LGSN: variants seen among roughly 807,000 people sequenced by gnomAD.
LGSN encodes lengsin, lens protein with glutamine synthetase domain.
Under a neutral mutation model 19.5 loss-of-function variants are expected in LGSN, and 21 were observed. The observed-to-expected ratio is 1.07, with a 90% CI of 0.76 to 1.55. LGSN has a LOEUF of 1.55. Among genes scored for constraint, LGSN ranks in the 40% most tolerant of loss-of-function variants. The pLI, the probability that LGSN is intolerant of heterozygous loss-of-function variation, is 0.00. For synonymous variants in LGSN, 257 were observed against 215.6 expected (o/e 1.19, Z -1.68); for missense variants, 673 against 608.5 (o/e 1.11, Z -1.12).
the LGSN span, among the ~76,000 whole-genome samples, chr6:63,446,860 C>T: frequency 2.0e-5 from 3 of 152,082 alleles, no homozygotes; most frequent in Non-Finnish European, 4.4e-5. Flanking sequence ...GACCAGCCTG[C>T]CCAACTTGGA....
At chr6:63,438,523 C>T in the LGSN span, among the ~76,000 whole-genome samples, 1 of 152,042 alleles carries the variant, frequency 6.6e-6, no homozygotes, top group Non-Finnish European at 1.5e-5. Context: ...AAACAAACAA[C>T]CCCATCAAAA....
chr6:63,568,669 A>C, the LGSN span, among the ~76,000 whole-genome samples: 6 of 150,680 alleles, frequency 4.0e-5, no homozygotes, highest in Admixed American at 3.3e-4. Context: ...AAAAAAAAAA[A>C]ACAATATTTG....
At chr6:63,566,990 C>T in the LGSN span, among the ~76,000 whole-genome samples, 1 of 152,222 alleles carries the variant, frequency 6.6e-6, no homozygotes, top group African/African-American at 2.4e-5. Flanking sequence ...GAAGCAACTC[C>T]TCATTCATTC....
the LGSN span, among the ~76,000 whole-genome samples, chr6:63,456,444 T>C: frequency 6.9e-6 from 1 of 144,156 alleles, no homozygotes; most frequent in African/African-American, 2.6e-5. Context: ...TTGCCCAGAC[T>C]GGTCTCAAAC....
the LGSN span, among the ~76,000 whole-genome samples, chr6:63,399,233 T>C: frequency 6.6e-6 from 1 of 152,168 alleles, no homozygotes; most frequent in Non-Finnish European, 1.5e-5. Context: ...TACAGGTTTG[T>C]AGCCTCGGAG....
the LGSN span, among the ~76,000 whole-genome samples, chr6:63,362,955 G>A: frequency 5.3e-5 from 8 of 152,172 alleles, no homozygotes; most frequent in Admixed American, 2.6e-4. Flanking sequence ...AGTAGGGGCC[G>A]ACTGACACCT....
the LGSN span, among the ~76,000 whole-genome samples, chr6:63,415,145 C>T: frequency 1.3e-5 from 2 of 151,574 alleles, no homozygotes; most frequent in Non-Finnish European, 2.9e-5. Context: ...CATGGAGAAA[C>T]CCTGAAACCC....
chr6:63,414,652 C>T, the LGSN span, among the ~76,000 whole-genome samples: 3 of 152,242 alleles, frequency 2.0e-5, no homozygotes, highest in African/African-American at 4.8e-5. Flanking sequence ...GTGCTGGGCG[C>T]GATGGCGCGT....
At chr6:63,423,341 C>T in the LGSN span, among the ~76,000 whole-genome samples, 2 of 151,994 alleles carry the variant, frequency 1.3e-5, no homozygotes, top group Non-Finnish European at 2.9e-5. Flanking sequence ...GAGACCATGT[C>T]TCAAAAAAAT....
the LGSN span, among the ~76,000 whole-genome samples, chr6:63,393,469 G>A: frequency 3.3e-5 from 5 of 151,902 alleles, no homozygotes; most frequent in African/African-American, 7.2e-5. Context: ...GTGAGCCACC[G>A]CGCCTGGCCC....
At chr6:63,407,930 C>T in the LGSN span, among the ~76,000 whole-genome samples, 22 of 152,176 alleles carry the variant, frequency 1.4e-4, no homozygotes, top group Non-Finnish European at 2.1e-4. Context: ...CCATTCACAA[C>T]TGCTTCAAAG....
the LGSN span, among the ~76,000 whole-genome samples, chr6:63,401,525 G>A: frequency 1.3e-5 from 2 of 152,096 alleles, no homozygotes; most frequent in Non-Finnish European, 2.9e-5. Flanking sequence ...AGAGTGACAA[G>A]GACAGAAAAT....
At chr6:63,558,473 T>G in the LGSN span, among the ~76,000 whole-genome samples, 1 of 152,200 alleles carries the variant, frequency 6.6e-6, no homozygotes, top group Non-Finnish European at 1.5e-5. Flanking sequence ...TTGCCATGTC[T>G]GTGGCTTGAG....
intron 3 of LGSN, among the ~76,000 whole-genome samples, chr6:63,282,341 T>G (rs1562004274): frequency 1.3e-5 from 2 of 152,196 alleles, no homozygotes; most frequent in African/African-American, 4.8e-5. Context: ...CACTTTCCTT[T>G]TCTTTCTTTC....
the LGSN span, among the ~76,000 whole-genome samples, chr6:63,405,662 A>G: frequency 4.6e-5 from 7 of 152,328 alleles, no homozygotes; most frequent in South Asian, 1.0e-3. Context: ...ACAGGATCAA[A>G]TTCACACATA....
At chr6:63,467,082 CA>C in the LGSN span, among the ~76,000 whole-genome samples, 2 of 151,984 alleles carry the variant, frequency 1.3e-5, no homozygotes, top group Non-Finnish European at 2.9e-5. Context: ...TGCAGCACTC[CA>C]CCATTAAAGG....
chr6:63,428,490 T>G, the LGSN span, among the ~76,000 whole-genome samples: 4 of 152,128 alleles, frequency 2.6e-5, no homozygotes, highest in African/African-American at 9.7e-5. Context: ...TAGCTGGGAC[T>G]ACAGACGTGC....
the LGSN span, among the ~76,000 whole-genome samples, chr6:63,561,576 C>A: frequency 6.6e-6 from 1 of 152,042 alleles, no homozygotes; most frequent in Non-Finnish European, 1.5e-5. Context: ...ATTTTGTTTC[C>A]GCTTACAATC....
chr6:63,570,092 C>T, the LGSN span, among the ~76,000 whole-genome samples: 2 of 152,182 alleles, frequency 1.3e-5, no homozygotes, highest in Admixed American at 6.5e-5. Flanking sequence ...TGTGTCCTTT[C>T]CTTTGGGAGA....
Sources: allele counts gnomAD v4.1 joint callset (sites outside exome capture counted in the v4.1 genomes callset), GRCh38; gene constraint gnomAD v4.1.1; transcripts MANE v1.5; gene names NCBI Gene and HGNC (gene_info 2026-07-23, HGNC 2026-07-21).